Variants in BLTP3A observed in about 807,000 individuals in gnomAD.
BLTP3A encodes bridge-like lipid transfer protein family member 3A.
the BLTP3A span, among the ~76,000 whole-genome samples, chr6:34,795,383 A>G: frequency 1.3e-5 from 2 of 150,370 alleles, no homozygotes; most frequent in African/African-American, 4.9e-5. Flanking sequence ...CAGCCTGAAC[A>G]TACAGTTTTT....
the BLTP3A span, chr6:34,872,205 T>A: frequency 1.5e-6 from 2 of 1,314,398 alleles, no homozygotes; most frequent in Non-Finnish European, 2.1e-6. Flanking sequence ...ATCATTGACA[T>A]AACTTGTGGA....
chr6:34,868,043 A>G, the BLTP3A span, among the ~76,000 whole-genome samples: 1 of 152,204 alleles, frequency 6.6e-6, no homozygotes, highest in Non-Finnish European at 1.5e-5. Flanking sequence ...CGCGGGGCTC[A>G]TGCCTGTAAT....
At chr6:34,870,826 G>A in the BLTP3A span, 1 of 1,609,804 alleles carries the variant, frequency 6.2e-7, no homozygotes, top group Non-Finnish European at 8.5e-7. Flanking sequence ...CCGTTAATTA[G>A]TTGTCTTCCT....
At chr6:34,812,420 C>A in the BLTP3A span, among the ~76,000 whole-genome samples, 1 of 151,404 alleles carries the variant, frequency 6.6e-6, no homozygotes, top group South Asian at 2.1e-4. Flanking sequence ...AAACAACAAA[C>A]AAAAATTTAG....
chr6:34,859,018 C>G, the BLTP3A span: 1 of 1,614,166 alleles, frequency 6.2e-7, no homozygotes. Context: ...GCATCCTGCA[C>G]CCGGTGCTGT....
the BLTP3A span, chr6:34,834,510 C>T: frequency 4.0e-6 from 6 of 1,496,528 alleles, no homozygotes; most frequent in Non-Finnish European, 5.4e-6. Flanking sequence ...TCAAATGTTC[C>T]CCATTCCTGG....
At chr6:34,862,248 G>A in the BLTP3A span, among the ~76,000 whole-genome samples, 1 of 151,918 alleles carries the variant, frequency 6.6e-6, no homozygotes, top group Non-Finnish European at 1.5e-5. Flanking sequence ...GTGGTGGCAC[G>A]TGCCTGTAGT....
the BLTP3A span, among the ~76,000 whole-genome samples, chr6:34,812,837 A>G: frequency 6.6e-6 from 1 of 152,220 alleles, no homozygotes; most frequent in Non-Finnish European, 1.5e-5. Context: ...CTGGGATGAA[A>G]TGGCATTAGC....
the BLTP3A span, chr6:34,836,334 A>G: frequency 1.9e-6 from 3 of 1,613,906 alleles, no homozygotes; most frequent in Non-Finnish European, 2.5e-6. Context: ...GATGATAGCC[A>G]GTCCCGAGAG....
the BLTP3A span, among the ~76,000 whole-genome samples, chr6:34,825,726 TG>T: frequency 6.6e-6 from 1 of 152,198 alleles, no homozygotes; most frequent in Admixed American, 6.5e-5. Flanking sequence ...TTTCAACATA[TG>T]ATGAATTTTG....
the BLTP3A span, chr6:34,872,596 C>A: frequency 1.1e-6 from 1 of 919,402 alleles, no homozygotes; most frequent in Non-Finnish European, 1.5e-6. Context: ...TTTCCACTAG[C>A]TGTTCTTACT....
At chr6:34,828,857 A>G in the BLTP3A span, among the ~76,000 whole-genome samples, 31 of 151,988 alleles carry the variant, frequency 2.0e-4, no homozygotes, top group East Asian at 2.9e-3. Context: ...GAGAAACTCT[A>G]TCTTTACTAA....
chr6:34,816,453 T>TA, the BLTP3A span, among the ~76,000 whole-genome samples: 13 of 151,294 alleles, frequency 8.6e-5, no homozygotes, highest in African/African-American at 1.7e-4. Flanking sequence ...CTACAAAAAA[T>TA]AAAAAAAATT....
the BLTP3A span, among the ~76,000 whole-genome samples, chr6:34,840,091 T>A: frequency 1.3e-5 from 2 of 152,244 alleles, no homozygotes; most frequent in African/African-American, 4.8e-5. Context: ...GCCTGTGCTC[T>A]AAACTTGCTG....
At chr6:34,858,435 C>T in the BLTP3A span, 1 of 1,614,202 alleles carries the variant, frequency 6.2e-7, no homozygotes, top group East Asian at 2.2e-5. Flanking sequence ...CCTGGGATCT[C>T]TGGTCTGTCC....
At chr6:34,792,373 C>A in the BLTP3A span, 2 of 1,370,262 alleles carry the variant, frequency 1.5e-6, no homozygotes, top group Non-Finnish European at 1.9e-6. Flanking sequence ...CGCCGCGCTC[C>A]GGGCCCAGTC....
the BLTP3A span, chr6:34,859,101 A>G: frequency 6.2e-7 from 1 of 1,614,188 alleles, no homozygotes; most frequent in Non-Finnish European, 8.5e-7. Context: ...AGGATCGGGA[A>G]CTGAAGTCTG....
At chr6:34,864,617 A>T in the BLTP3A span, among the ~76,000 whole-genome samples, 47 of 146,330 alleles carry the variant, frequency 3.2e-4, no homozygotes, top group East Asian at 4.2e-4. Flanking sequence ...TTACCTCTGT[A>T]AGTTAAACTG....
At chr6:34,822,108 G>T in the BLTP3A span, among the ~76,000 whole-genome samples, 230 of 152,236 alleles carry the variant, frequency 1.5e-3, 1 homozygote, top group Non-Finnish European at 2.7e-3. Flanking sequence ...TGTGACTGTT[G>T]TCTGGGCTTA....
Sources: gnomAD v4.1 joint callset for allele counts (sites outside exome capture counted in the v4.1 genomes callset) on GRCh38, gnomAD v4.1.1 for gene constraint, MANE v1.5 for transcripts, NCBI Gene and HGNC (gene_info 2026-07-23, HGNC 2026-07-21) for gene names.